MARCHF8: variants seen among roughly 807,000 people sequenced by gnomAD.
MARCHF8 encodes the protein E3 ubiquitin-protein ligase MARCHF8.
Under a neutral mutation model 51.6 loss-of-function variants are expected in MARCHF8, and 40 were observed. The ratio of observed to expected loss-of-function variants is 0.77; its 90% confidence interval spans 0.60 to 1.01. The LOEUF is 1.01. Ranked by LOEUF, MARCHF8 falls within the 50% of genes least tolerant of loss-of-function variation. The probability of loss-of-function intolerance (pLI) is 0.00; values close to 1 mark genes in which losing one functional copy is unlikely to be tolerated. For missense variants in MARCHF8, 685 were observed against 708.6 expected, an observed-to-expected ratio of 0.97 and a Z score of 0.38; for synonymous variants, 263 against 280.3, an observed-to-expected ratio of 0.94 and a Z score of 0.62.
At chr10:45,589,149 T>C (rs1012051434) in intron 1 of MARCHF8, among the ~76,000 whole-genome samples, 4 of 152,172 alleles carry the variant, frequency 2.6e-5, no homozygotes, top group African/African-American at 7.2e-5. Flanking sequence ...CAAAACTCAG[T>C]AGTTTAAAAC....
chr10:45,479,263 A>C (rs1433060852), intron 3 of MARCHF8, among the ~76,000 whole-genome samples: 1 of 152,224 alleles, frequency 6.6e-6, no homozygotes, highest in Non-Finnish European at 1.5e-5. Context: ...TCTCAATAGA[A>C]GCAGAAAAGG....
intron 2 of MARCHF8, among the ~76,000 whole-genome samples, chr10:45,510,266 A>T (rs1181329403): frequency 2.0e-5 from 3 of 152,168 alleles, no homozygotes; most frequent in Non-Finnish European, 4.4e-5. Flanking sequence ...ACTTTGAGAA[A>T]ATGAATTCTA....
intron 1 of MARCHF8, among the ~76,000 whole-genome samples, chr10:45,554,084 A>G (rs891366175): frequency 2.9e-4 from 44 of 152,240 alleles, no homozygotes; most frequent in Non-Finnish European, 4.1e-4. Flanking sequence ...AAAAGGAATT[A>G]TTTCAAATGA....
chr10:45,552,309 TAAA>T (rs35314230), intron 1 of MARCHF8, among the ~76,000 whole-genome samples: 2 of 141,940 alleles, frequency 1.4e-5, no homozygotes, highest in African/African-American at 5.2e-5. Context: ...TGGTAGAATT[TAAA>T]AAAAAAAAAA....
chr10:45,542,394 C>T (rs1422369765), intron 1 of MARCHF8, among the ~76,000 whole-genome samples: 1 of 148,376 alleles, frequency 6.7e-6, no homozygotes, highest in Non-Finnish European at 1.5e-5. Context: ...CACCCTGGGG[C>T]CAAAACCTGA....
chr10:45,463,424 C>T lies in MARCHF8; in HGVS notation c.815G>A (p.Ser272Asn), dbSNP rs1472734584. 7.1e-6 allele frequency: 11 copies of T among 1,550,524 alleles called. No individual in the cohort carries two copies. The highest frequency in any genetic ancestry group is 9.6e-6 in the Non-Finnish European group (11 of 1,147,018). Residue 272 changes from serine (S) to asparagine (N), a missense_variant, in exon 5 of 8, where the codon AGC becomes AAC. Coordinates refer to ENST00000453424, the MANE Select transcript of MARCHF8 (RefSeq NM_001282866.2). Reference protein sequence around the residue: ...LFSLSHGLSASSLHRFHELES... With the variant: ...LFSLSHGLSANSLHRFHELES... Reference sequence around the variant, plus strand: ...CAGCTCATGGAACCTGTGCAGGCTGCTGGCGCTCAAGCCGTGCGAGAGTGA... The same window carrying T: ...CAGCTCATGGAACCTGTGCAGGCTGTTGGCGCTCAAGCCGTGCGAGAGTGA...
intron 4 of MARCHF8, 90 bp downstream of exon 4, chr10:45,464,149 T>C: frequency 6.4e-7 from 1 of 1,566,600 alleles, no homozygotes; most frequent in South Asian, 1.1e-5. Context: ...GGCAGATTGA[T>C]TAAGCAAATG....
chr10:45,476,954 C>A (rs1005067531), intron 3 of MARCHF8, among the ~76,000 whole-genome samples: 1 of 152,094 alleles, frequency 6.6e-6, no homozygotes, highest in African/African-American at 2.4e-5. Context: ...ATAATAGCTG[C>A]AAACTTCCCA....
At chr10:45,467,994 TA>T (rs560845948) in intron 3 of MARCHF8, among the ~76,000 whole-genome samples, 164 of 152,290 alleles carry the variant, frequency 1.1e-3, no homozygotes, top group African/African-American at 3.6e-3. Flanking sequence ...AAAATTCTTG[TA>T]AAAATCCTCC....
At chr10:45,495,028 G>C (rs1281536333) in intron 2 of MARCHF8, among the ~76,000 whole-genome samples, 1 of 151,924 alleles carries the variant, frequency 6.6e-6, no homozygotes, top group African/African-American at 2.4e-5. Context: ...GCTGAGGCAG[G>C]AGAACTGCTT....
chr10:45,531,776 A>G (rs1349313283), intron 2 of MARCHF8, among the ~76,000 whole-genome samples: 4 of 152,210 alleles, frequency 2.6e-5, no homozygotes, highest in Non-Finnish European at 5.9e-5. Flanking sequence ...GTAAAATGCA[A>G]GGGTTCACTC....
upstream of MARCHF8, among the ~76,000 whole-genome samples, chr10:45,538,637 G>A (rs141404414): frequency 0.036 from 5,414 of 151,776 alleles, 143 homozygotes; most frequent in Non-Finnish European, 0.052. Flanking sequence ...CCAAGCAAAC[G>A]GAAAACAAAA....
intron 1 of MARCHF8, among the ~76,000 whole-genome samples, chr10:45,586,595 T>G (rs36102549): frequency 0.062 from 9,404 of 152,202 alleles, 333 homozygotes; most frequent in Non-Finnish European, 0.067. Flanking sequence ...CTATCAGCAA[T>G]TTATGTAAAA....
At chr10:45,504,538 A>T (rs968295543) in intron 2 of MARCHF8, among the ~76,000 whole-genome samples, 1 of 152,230 alleles carries the variant, frequency 6.6e-6, no homozygotes, top group Non-Finnish European at 1.5e-5. Flanking sequence ...GTATAAGCTA[A>T]TCAATACAGG....
At chr10:45,566,364 T>C (rs1185315790) in intron 1 of MARCHF8, among the ~76,000 whole-genome samples, 1 of 152,188 alleles carries the variant, frequency 6.6e-6, no homozygotes, top group Non-Finnish European at 1.5e-5. Flanking sequence ...ACAGTAAGTC[T>C]TATCCATTCT....
intron 1 of MARCHF8, among the ~76,000 whole-genome samples, chr10:45,579,038 A>G (rs1284780196): frequency 6.6e-6 from 1 of 152,214 alleles, no homozygotes; most frequent in Non-Finnish European, 1.5e-5. Context: ...TTGAAACTGC[A>G]CTATGAATTA....
Position 45,461,384 on chromosome 10 carries a change from C to G in MARCHF8, c.1116G>C (p.Glu372Asp). The G allele has an allele frequency of 6.3e-7, 1 of 1,590,748 alleles. No individual in the cohort carries two copies. Among genetic ancestry groups the G allele is most frequent in the African/African-American group, 1.4e-5 (1 of 73,602 alleles). ...CRICHCEGDD[E>D]SPLITPCHCT... ...AGTGGCAGGGGGTGATCAGGGGGCT[C>G]TCATCATCTCCTTCACAGTGGCAGA... Residue 372 changes from glutamate (E) to aspartate (D), a missense_variant, in exon 6 of 8, where the codon GAG becomes GAC. Coordinates refer to ENST00000453424, the MANE Select transcript of MARCHF8 (RefSeq NM_001282866.2).
chr10:45,476,546 C>A (rs1478319689), intron 3 of MARCHF8, among the ~76,000 whole-genome samples: 2 of 151,988 alleles, frequency 1.3e-5, no homozygotes, highest in East Asian at 3.9e-4. Flanking sequence ...CCTGCCTGGG[C>A]AACAGACCAA....
At chr10:45,468,912 A>T (rs997177486) in intron 3 of MARCHF8, among the ~76,000 whole-genome samples, 6 of 152,140 alleles carry the variant, frequency 3.9e-5, no homozygotes, top group African/African-American at 1.4e-4. Flanking sequence ...ACAGGATGAC[A>T]ACTGCCCTCA....
Sources: allele counts gnomAD v4.1 joint callset (sites outside exome capture counted in the v4.1 genomes callset), GRCh38; gene constraint gnomAD v4.1.1; transcripts MANE v1.5; gene names NCBI Gene and HGNC (gene_info 2026-07-23, HGNC 2026-07-21).